LDLRAD3: variants seen among roughly 807,000 people sequenced by gnomAD.
The protein encoded by LDLRAD3 is low-density lipoprotein receptor class A domain-containing protein 3.
A neutral mutation model predicts 29.4 loss-of-function variants in LDLRAD3; 20 were observed. The ratio of observed to expected loss-of-function variants is 0.68; its 90% confidence interval spans 0.48 to 0.99. LDLRAD3 has a LOEUF of 0.99. LDLRAD3 is among the 50% of genes least tolerant of loss of function. The pLI is 0.00. For missense variants in LDLRAD3, 420 were observed against 454.3 expected (o/e 0.92, Z 0.69); for synonymous variants, 157 against 192.7 (o/e 0.81, Z 1.53).
intron 1 of LDLRAD3, among the ~76,000 whole-genome samples, chr11:35,996,711 T>A (rs1851760034): frequency 6.6e-6 from 1 of 152,148 alleles, no homozygotes; most frequent in Non-Finnish European, 1.5e-5. Context: ...TCTCACCTGA[T>A]TGAGAGGGCC....
At chr11:36,160,075 G>A in intron 4 of LDLRAD3, among the ~76,000 whole-genome samples, 1 of 152,202 alleles carries the variant, frequency 6.6e-6, no homozygotes, top group South Asian at 2.1e-4. Context: ...CTGTGAGCGA[G>A]GCAGATAAGC....
chr11:36,145,828 G>A (rs1437129423), intron 4 of LDLRAD3, among the ~76,000 whole-genome samples: 48 of 150,558 alleles, frequency 3.2e-4, no homozygotes, highest in Middle Eastern at 6.8e-3. Context: ...AAGAGTCATC[G>A]CCACTCCCTA....
intron 4 of LDLRAD3, among the ~76,000 whole-genome samples, chr11:36,166,763 A>G (rs771816450): frequency 1.2e-4 from 19 of 152,162 alleles, no homozygotes; most frequent in African/African-American, 2.7e-4. Flanking sequence ...TGTACACACA[A>G]ATCATCTGGG....
chr11:36,186,407 G>A (rs1273968779), intron 4 of LDLRAD3, among the ~76,000 whole-genome samples: 3 of 152,208 alleles, frequency 2.0e-5, no homozygotes, highest in African/African-American at 7.2e-5. Flanking sequence ...GTGAGTCACA[G>A]GAGCTAACAG....
At chr11:36,200,746 G>A (rs535606641) in intron 4 of LDLRAD3, among the ~76,000 whole-genome samples, 3 of 152,322 alleles carry the variant, frequency 2.0e-5, no homozygotes, top group African/African-American at 4.8e-5. Flanking sequence ...AAGTGGGGCC[G>A]ATGGTGCTCA....
At chr11:36,220,232 T>C (rs1325331930) in intron 4 of LDLRAD3, among the ~76,000 whole-genome samples, 2 of 152,180 alleles carry the variant, frequency 1.3e-5, no homozygotes, top group Non-Finnish European at 2.9e-5. Flanking sequence ...GTTTCATACA[T>C]TGCTGCTGGT....
chr11:36,220,967 A>C (rs1318333624), intron 4 of LDLRAD3, among the ~76,000 whole-genome samples: 1 of 152,194 alleles, frequency 6.6e-6, no homozygotes, highest in African/African-American at 2.4e-5. Context: ...CTTCTAAAAA[A>C]ATTGCAAGGT....
At chr11:36,208,239 A>G (rs1014824244) in intron 4 of LDLRAD3, among the ~76,000 whole-genome samples, 1 of 152,246 alleles carries the variant, frequency 6.6e-6, no homozygotes, top group Admixed American at 6.5e-5. Context: ...CCTGAGCAAC[A>G]AAATAAATAA....
chr11:36,069,014 C>G (rs973268362), intron 2 of LDLRAD3, among the ~76,000 whole-genome samples: 1 of 152,188 alleles, frequency 6.6e-6, no homozygotes, highest in African/African-American at 2.4e-5. Flanking sequence ...CTCTTTCACT[C>G]CCCAGTGTGT....
At chr11:36,187,761 A>G (rs1051800004) in intron 4 of LDLRAD3, among the ~76,000 whole-genome samples, 8 of 152,194 alleles carry the variant, frequency 5.3e-5, no homozygotes, top group Admixed American at 5.2e-4. Flanking sequence ...CCCAAGTCAT[A>G]TGTCTGTGTG....
intron 4 of LDLRAD3, among the ~76,000 whole-genome samples, chr11:36,190,441 C>T (rs894145153): frequency 1.8e-4 from 27 of 151,948 alleles, no homozygotes; most frequent in African/African-American, 5.1e-4. Context: ...TAAAGTCTGC[C>T]GTGAGTTATG....
At chr11:36,136,506 T>A (rs904270729) in intron 4 of LDLRAD3, among the ~76,000 whole-genome samples, 1 of 152,046 alleles carries the variant, frequency 6.6e-6, no homozygotes, top group Non-Finnish European at 1.5e-5. Context: ...TCTTGAGATA[T>A]GGTTGTTTAA....
intron 4 of LDLRAD3, among the ~76,000 whole-genome samples, chr11:36,119,421 T>C (rs534488658): frequency 2.0e-5 from 3 of 152,322 alleles, no homozygotes; most frequent in Non-Finnish European, 4.4e-5. Flanking sequence ...AGCTGCTACA[T>C]TGTTTCACAT....
At chr11:36,093,180 C>T (rs1261901497) in intron 3 of LDLRAD3, among the ~76,000 whole-genome samples, 2 of 152,078 alleles carry the variant, frequency 1.3e-5, no homozygotes, top group Admixed American at 6.5e-5. Context: ...CTAGACTAGA[C>T]GTTCAAAAAT....
intron 5 of LDLRAD3, 52 bp from the exon 6 acceptor site, chr11:36,229,108 C>G: frequency 7.8e-7 from 1 of 1,289,570 alleles, no homozygotes; most frequent in East Asian, 2.3e-5. Flanking sequence ...CTAATGTGTT[C>G]TCTTCTCTTC....
chr11:36,135,685 G>A (rs564124687), intron 4 of LDLRAD3, among the ~76,000 whole-genome samples: 9 of 152,266 alleles, frequency 5.9e-5, no homozygotes, highest in South Asian at 2.1e-4. Flanking sequence ...CGAGGCGGGC[G>A]GATCACTTGA....
rs189860442 is a variant in LDLRAD3, at chr11:36,000,186, G to T, written c.47-35917G>T. Reference sequence around the variant, plus strand: ...AAAGCACACAAAACTCTGTGTATGTGTGTATGTACATATTATATAGCATAT... The same window carrying T: ...AAAGCACACAAAACTCTGTGTATGTTTGTATGTACATATTATATAGCATAT... On this transcript the variant is annotated intron_variant, in intron 1 of 5. Transcript: ENST00000315571. Among the ~76,000 whole-genome samples, 14 of 151,306 alleles carry T rather than the reference G, an allele frequency of 9.3e-5. 1 individual carries two copies. In the East Asian group the frequency reaches 2.5e-3, roughly 27 times the overall value.
intron 4 of LDLRAD3, among the ~76,000 whole-genome samples, chr11:36,148,921 G>T (rs1366761129): frequency 6.6e-6 from 1 of 152,190 alleles, no homozygotes; most frequent in Non-Finnish European, 1.5e-5. Flanking sequence ...AGCTGCTCTA[G>T]GAGAGACAAA....
intron 2 of LDLRAD3, among the ~76,000 whole-genome samples, chr11:36,037,604 T>C (rs1366540352): frequency 6.6e-6 from 1 of 152,166 alleles, no homozygotes; most frequent in African/African-American, 2.4e-5. Flanking sequence ...TGAGCCACTG[T>C]GCCCAGTCAG....
Sources: gnomAD v4.1 joint callset for allele counts (sites outside exome capture counted in the v4.1 genomes callset) on GRCh38, gnomAD v4.1.1 for gene constraint, MANE v1.5 for transcripts, NCBI Gene and HGNC (gene_info 2026-07-23, HGNC 2026-07-21) for gene names.